The following CACNB4 variants were observed in gnomAD, a reference collection of about 807,000 sequenced individuals.
CACNB4 encodes voltage-dependent L-type calcium channel subunit beta-4.
CACNB4 carries 32 observed loss-of-function variants against 71.2 expected under a neutral mutation model. That is an observed-to-expected ratio of 0.45 (90% CI 0.34 to 0.60). The LOEUF (loss-of-function observed/expected upper bound fraction) is 0.60, where lower values mean the gene tolerates loss of function less well. Ranked by LOEUF, CACNB4 falls within the 20% of genes least tolerant of loss-of-function variation. The probability of loss-of-function intolerance (pLI) is 0.01; values close to 1 mark genes in which losing one functional copy is unlikely to be tolerated. For synonymous variants in CACNB4, 231 were observed against 236.9 expected (o/e 0.97, Z 0.23); for missense variants, 464 against 647.9 (o/e 0.72, Z 3.08).
In CACNB4 at chr2:151,843,641, T is replaced by C. The variant is rs573841658; in HGVS notation, c.1117-1553A>G. On this transcript the variant is annotated intron_variant, in intron 12 of 13. Transcript: ENST00000539935. The stretch of plus-strand genomic sequence containing the variant: ...CACATCTCAACTTTCAATAGTAGGA[T>C]TGACCTTTCCCACCACCTTCATCTG... Among the ~76,000 whole-genome samples, 15 of 152,282 alleles carry C rather than the reference T, an allele frequency of 9.9e-5. No individual in the cohort carries two copies. In the East Asian group the frequency reaches 2.1e-3, roughly 22 times the overall value.
intron 2 of CACNB4, among the ~76,000 whole-genome samples, chr2:151,895,093 GCC>G (rs1386086990): frequency 0.022 from 552 of 25,638 alleles, 11 homozygotes; most frequent in East Asian, 0.068. Flanking sequence ...AACTCAAATA[GCC>G]CCACACACAC....
intron 2 of CACNB4, among the ~76,000 whole-genome samples, chr2:151,977,728 C>G (rs1016339884): frequency 6.6e-6 from 1 of 152,114 alleles, no homozygotes; most frequent in Non-Finnish European, 1.5e-5. Flanking sequence ...CTAAATTTCT[C>G]GGGAATTTAA....
intron 2 of CACNB4, among the ~76,000 whole-genome samples, chr2:152,065,200 T>C (rs1296929621): frequency 6.6e-6 from 1 of 152,132 alleles, no homozygotes; most frequent in Non-Finnish European, 1.5e-5. Flanking sequence ...CTAGCTAACA[T>C]GGTGAAACCC....
At chr2:151,935,327 T>C (rs1462475950) in intron 2 of CACNB4, among the ~76,000 whole-genome samples, 1 of 152,226 alleles carries the variant, frequency 6.6e-6, no homozygotes, top group Non-Finnish European at 1.5e-5. Flanking sequence ...TAAGCCTCAG[T>C]TTCTTCATTC....
chr2:152,006,733 T>C (rs1446697029), intron 2 of CACNB4, among the ~76,000 whole-genome samples: 1 of 152,172 alleles, frequency 6.6e-6, no homozygotes, highest in Non-Finnish European at 1.5e-5. Context: ...CCTTTCATTA[T>C]CTGCCCTGGT....
At chr2:151,924,325 G>A (rs758538199) in intron 2 of CACNB4, among the ~76,000 whole-genome samples, 30 of 151,316 alleles carry the variant, frequency 2.0e-4, no homozygotes, top group Admixed American at 1.5e-3. Context: ...TGATCTGCCC[G>A]CCTCGCCCTC....
chr2:151,944,590 G>A (rs111482413), intron 2 of CACNB4, among the ~76,000 whole-genome samples: 2,780 of 152,120 alleles, frequency 0.018, 100 homozygotes, highest in African/African-American at 0.062. Context: ...TCAGGAGTTC[G>A]AGACCAGCCT....
intron 2 of CACNB4, among the ~76,000 whole-genome samples, chr2:151,964,454 A>C (rs1338213949): frequency 6.6e-6 from 1 of 152,176 alleles, no homozygotes; most frequent in Admixed American, 6.5e-5. Context: ...TCATCAAGGA[A>C]GACTTATTTT....
intron 9 of CACNB4, among the ~76,000 whole-genome samples, chr2:151,863,990 T>G (rs767530545): frequency 2.6e-5 from 4 of 152,174 alleles, no homozygotes; most frequent in Non-Finnish European, 5.9e-5. Flanking sequence ...AACCCAAAAT[T>G]CTTTTTTATA....
intron 2 of CACNB4, among the ~76,000 whole-genome samples, chr2:151,950,670 A>G (rs530096862): frequency 1.3e-5 from 2 of 152,228 alleles, no homozygotes; most frequent in Admixed American, 6.5e-5. Context: ...TCTGACATGG[A>G]TGAACCTTGA....
chr2:151,999,364 C>T (rs998987332), intron 2 of CACNB4, among the ~76,000 whole-genome samples: 7 of 127,208 alleles, frequency 5.5e-5, no homozygotes, highest in East Asian at 4.2e-4. Flanking sequence ...TCTGTCTGCC[C>T]GCCCTGTTAT....
intron 2 of CACNB4, among the ~76,000 whole-genome samples, chr2:152,095,388 A>T (rs1455189017): frequency 6.6e-6 from 1 of 152,210 alleles, no homozygotes; most frequent in Non-Finnish European, 1.5e-5. Flanking sequence ...TGAGTTGCCA[A>T]CTGCCTTCTC....
intron 13 of CACNB4, among the ~76,000 whole-genome samples, chr2:151,840,675 C>A (rs920086538): frequency 6.6e-6 from 1 of 152,222 alleles, no homozygotes; most frequent in Admixed American, 6.5e-5. Flanking sequence ...ATTTGCATGA[C>A]AGTTTTTCTG....
chr2:151,989,647 A>G (rs1193687998), intron 2 of CACNB4, among the ~76,000 whole-genome samples: 2 of 152,150 alleles, frequency 1.3e-5, no homozygotes, highest in East Asian at 1.9e-4. Flanking sequence ...ACTACGTTCC[A>G]TCTTCTGATG....
At chr2:152,058,697 T>G (rs1685850564) in intron 2 of CACNB4, among the ~76,000 whole-genome samples, 1 of 152,360 alleles carries the variant, frequency 6.6e-6, no homozygotes, top group Non-Finnish European at 1.5e-5. Context: ...AAACCCATTT[T>G]CTGGGGAGAA....
At position 151,973,598 on chromosome 2, in the gene CACNB4, G is replaced by GGT. The variant is rs1041009817; in HGVS notation, c.148-90229_148-90228insAC. 13 of 1,379,830 alleles carry GGT rather than the reference G, an allele frequency of 9.4e-6. No individual in the cohort carries two copies. In the African/African-American group the frequency reaches 1.7e-4, roughly 18 times the overall value. 85.5% of individuals were successfully genotyped at this position (1,379,830 alleles called of 1,614,324 possible). A position where few individuals can be genotyped will look rare whatever the true frequency, so the allele number is the denominator to read the frequency against. ...TGCGTTGCCTAAGAAATAAGAAGCG[G>GGT]GGGGGTGGAGGGGATAGTGGGAGGA... On this transcript the variant is annotated intron_variant, in intron 2 of 13. Coordinates refer to ENST00000539935, the MANE Select transcript of CACNB4 (RefSeq NM_000726.5).
intron 2 of CACNB4, among the ~76,000 whole-genome samples, chr2:151,983,055 C>T (rs1210510370): frequency 4.6e-5 from 7 of 152,146 alleles, no homozygotes; most frequent in Admixed American, 3.9e-4. Context: ...ACCCATCATC[C>T]CCATTAAAAA....
intron 2 of CACNB4, among the ~76,000 whole-genome samples, chr2:151,949,668 G>A (rs1289630407): frequency 6.6e-6 from 1 of 152,180 alleles, no homozygotes; most frequent in Non-Finnish European, 1.5e-5. Context: ...GCCAAGGAAA[G>A]GCATCTGCAA....
chr2:152,051,881 C>T (rs186390440), intron 2 of CACNB4, among the ~76,000 whole-genome samples: 8 of 152,264 alleles, frequency 5.3e-5, no homozygotes, highest in African/African-American at 1.7e-4. Context: ...CTGGACTTTT[C>T]CTATAAATGG....
Sources: gnomAD v4.1 joint callset for allele counts (sites outside exome capture counted in the v4.1 genomes callset) on GRCh38, gnomAD v4.1.1 for gene constraint, MANE v1.5 for transcripts, NCBI Gene and HGNC (gene_info 2026-07-23, HGNC 2026-07-21) for gene names.